DLGAP2: variants seen among roughly 807,000 people sequenced by gnomAD.
DLGAP2 encodes DLG associated protein 2, also known as disks large-associated protein 2.
Under a neutral mutation model 100.3 loss-of-function variants are expected in DLGAP2, and 26 were observed. That is an observed-to-expected ratio of 0.26 (90% CI 0.19 to 0.36). The LOEUF is 0.36. Among genes scored for constraint, DLGAP2 ranks in the 10% least tolerant of loss-of-function variants. The probability of loss-of-function intolerance (pLI) is 1.00; values close to 1 mark genes in which losing one functional copy is unlikely to be tolerated. For synonymous variants in DLGAP2, 886 were observed against 630.1 expected, an observed-to-expected ratio of 1.41 and a Z score of -6.08; for missense variants, 1,858 against 1,453.2, an observed-to-expected ratio of 1.28 and a Z score of -4.53.
intron 2 of DLGAP2, among the ~76,000 whole-genome samples, chr8:1,171,603 C>T (rs541204106): frequency 1.4e-4 from 22 of 152,158 alleles, no homozygotes; most frequent in African/African-American, 4.3e-4. Flanking sequence ...ATACTTAGCT[C>T]TTCTTGTTGA....
At position 1,081,631 on chromosome 8, in the gene DLGAP2, G is replaced by A. The variant is rs76193697; in HGVS notation, c.73+173665G>A. On this transcript the variant is annotated intron_variant, in intron 2 of 14. Transcript: ENST00000637795. ...CTCCCAAAGTGCATGGATTACAGGC[G>A]TGACCCCCACGCCTGGCTAGTTTTG... Among the ~76,000 whole-genome samples the A allele has an allele frequency of 9.3e-3, 1,409 of 152,288 alleles. 9 individuals are homozygous for A. The highest frequency in any genetic ancestry group is 0.013 in the Non-Finnish European group (872 of 68,016).
intron 4 of DLGAP2, among the ~76,000 whole-genome samples, chr8:1,537,706 GAT>G (rs905795516): frequency 5.4e-5 from 8 of 149,486 alleles, no homozygotes; most frequent in Middle Eastern, 3.4e-3. Context: ...TAGATGGAAG[GAT>G]GGATGGATGG....
At chr8:1,442,056 G>A (rs1034514913) in intron 3 of DLGAP2, among the ~76,000 whole-genome samples, 4 of 152,208 alleles carry the variant, frequency 2.6e-5, no homozygotes, top group Non-Finnish European at 4.4e-5. Flanking sequence ...GACCCAGAGG[G>A]CACCTTACTA....
At chr8:1,161,991 A>T (rs1014499495) in intron 2 of DLGAP2, among the ~76,000 whole-genome samples, 6 of 152,222 alleles carry the variant, frequency 3.9e-5, no homozygotes, top group Non-Finnish European at 5.9e-5. Context: ...GCTAGAATGC[A>T]GGTGCCTGGG....
intron 3 of DLGAP2, among the ~76,000 whole-genome samples, chr8:1,338,949 G>T (rs529957965): frequency 6.8e-6 from 1 of 147,398 alleles, no homozygotes; most frequent in Non-Finnish European, 1.5e-5. Context: ...TCAGTGAGGC[G>T]TCAGGACCTG....
intron 3 of DLGAP2, among the ~76,000 whole-genome samples, chr8:1,308,208 G>C (rs1027638549): frequency 3.9e-5 from 6 of 152,208 alleles, no homozygotes; most frequent in African/African-American, 1.4e-4. Context: ...GAATGGGAAA[G>C]GTGTTTTTGT....
At chr8:1,081,466 C>T (rs1359239453) in intron 2 of DLGAP2, among the ~76,000 whole-genome samples, 3 of 152,206 alleles carry the variant, frequency 2.0e-5, no homozygotes, top group African/African-American at 7.2e-5. Flanking sequence ...ATTCTCCTGC[C>T]TCAGCCTCCC....
intron 3 of DLGAP2, among the ~76,000 whole-genome samples, chr8:1,500,772 A>G (rs543401835): frequency 3.9e-5 from 6 of 152,390 alleles, no homozygotes; most frequent in South Asian, 2.1e-4. Context: ...CACAGATCGA[A>G]CAATGGAAAA....
At chr8:1,317,216 C>T (rs1488431169) in intron 3 of DLGAP2, among the ~76,000 whole-genome samples, 1 of 133,146 alleles carries the variant, frequency 7.5e-6, no homozygotes, top group Admixed American at 7.8e-5. Context: ...GGTCTACACT[C>T]GAGACACTCG....
At chr8:1,229,104 C>G (rs975868069) in intron 2 of DLGAP2, among the ~76,000 whole-genome samples, 1 of 152,086 alleles carries the variant, frequency 6.6e-6, no homozygotes, top group Non-Finnish European at 1.5e-5. Flanking sequence ...GCATACGAAA[C>G]TCAATTGCAT....
chr8:945,026 G>C (rs1184262272), intron 2 of DLGAP2, among the ~76,000 whole-genome samples: 2 of 152,308 alleles, frequency 1.3e-5, no homozygotes, highest in Admixed American at 1.3e-4. Flanking sequence ...TGTGTTAGAT[G>C]TGACTAATTC....
intron 3 of DLGAP2, among the ~76,000 whole-genome samples, chr8:1,309,087 C>T (rs764273982): frequency 7.3e-5 from 11 of 151,628 alleles, no homozygotes; most frequent in Non-Finnish European, 1.2e-4. Context: ...AACAGGGAGC[C>T]GAAACTTGAG....
intron 2 of DLGAP2, among the ~76,000 whole-genome samples, chr8:1,036,247 G>A (rs1265125766): frequency 2.0e-5 from 3 of 148,600 alleles, no homozygotes; most frequent in South Asian, 2.2e-4. Context: ...GGATTCACAC[G>A]CTCATCCCGA....
intron 1 of DLGAP2, among the ~76,000 whole-genome samples, chr8:866,130 CTG>C (rs1797489882): frequency 1.3e-5 from 2 of 152,118 alleles, no homozygotes; most frequent in South Asian, 4.2e-4. Flanking sequence ...GTCCTCTGCT[CTG>C]TGTGTCCTGC....
intron 2 of DLGAP2, among the ~76,000 whole-genome samples, chr8:966,116 A>C (rs1399910609): frequency 6.6e-6 from 1 of 152,188 alleles, no homozygotes; most frequent in Non-Finnish European, 1.5e-5. Context: ...CGCTGAGACC[A>C]GAGCAGGGGC....
chr8:1,576,846 A>T (rs989027152), intron 6 of DLGAP2, among the ~76,000 whole-genome samples: 81 of 152,290 alleles, frequency 5.3e-4, no homozygotes, highest in African/African-American at 1.9e-3. Flanking sequence ...GTACCAGTAC[A>T]AGGTAATTTA....
intron 2 of DLGAP2, among the ~76,000 whole-genome samples, chr8:1,088,504 A>G (rs879802111): frequency 2.0e-5 from 3 of 152,142 alleles, no homozygotes; most frequent in South Asian, 2.1e-4. Flanking sequence ...TCTGTTTTTC[A>G]TGCCCTTGAG....
At chr8:970,369 G>A (rs1799982654) in intron 2 of DLGAP2, among the ~76,000 whole-genome samples, 1 of 152,112 alleles carries the variant, frequency 6.6e-6, no homozygotes, top group African/African-American at 2.4e-5. Context: ...TTTTTACATA[G>A]CAAACCTACA....
intron 2 of DLGAP2, among the ~76,000 whole-genome samples, chr8:1,163,073 C>T (rs1267696528): frequency 6.6e-6 from 1 of 152,140 alleles, no homozygotes; most frequent in Non-Finnish European, 1.5e-5. Flanking sequence ...GAGTCCTCGG[C>T]TGGTAAGAGG....
Sources: gnomAD v4.1 joint callset for allele counts (sites outside exome capture counted in the v4.1 genomes callset) on GRCh38, gnomAD v4.1.1 for gene constraint, MANE v1.5 for transcripts, NCBI Gene and HGNC (gene_info 2026-07-23, HGNC 2026-07-21) for gene names.